The following IL2RB variants were observed in gnomAD, a reference collection of about 807,000 sequenced individuals.
IL2RB encodes interleukin 2 receptor subunit beta.
IL2RB carries 17 observed loss-of-function variants against 44.2 expected under a neutral mutation model. The ratio of observed to expected loss-of-function variants is 0.38; its 90% CI spans 0.26 to 0.58. IL2RB has a LOEUF of 0.58. IL2RB is among the 20% of genes least tolerant of loss of function. IL2RB has a pLI of 0.63. For synonymous variants in IL2RB, 286 were observed against 297.9 expected (o/e 0.96, Z 0.41); for missense variants, 624 against 685.5 (o/e 0.91, Z 1.00).
chr22:37,154,575 C>CTTTTTTTTTTTT (rs57147928), upstream of IL2RB, among the ~76,000 whole-genome samples: 9 of 141,606 alleles, frequency 6.4e-5, no homozygotes, highest in African/African-American at 1.6e-4. Flanking sequence ...CTTTTTTTTT[C>CTTTTTTTTTTTT]TTTTTTTTTT....
intron 8 of IL2RB, 29 bp from the exon 9 acceptor site, chr22:37,132,497 G>A: frequency 6.4e-7 from 1 of 1,567,002 alleles, no homozygotes; most frequent in Non-Finnish European, 8.8e-7. Flanking sequence ...GGAAGGAGGA[G>A]GGTGAGAAAG....
chr22:37,158,663 C>A (rs1400131570), intron 1 of IL2RB, among the ~76,000 whole-genome samples: 1 of 152,240 alleles, frequency 6.6e-6, no homozygotes, highest in Non-Finnish European at 1.5e-5. Flanking sequence ...GGGTGCACCA[C>A]TGCTCAGGTA....
In IL2RB at chr22:37,128,604, G is replaced by C; in HGVS notation, c.1148C>G (p.Thr383Ser). 6.2e-7 allele frequency: 1 copy of C among 1,614,120 alleles called. No homozygotes were observed. The highest frequency in any genetic ancestry group is 8.5e-7 in the Non-Finnish European group (1 of 1,179,984). The change falls in exon 10 of 10, where the codon ACT (threonine) becomes AGT (serine). Residue 383 changes from threonine (T) to serine (S), a missense_variant. This residue lies in a region of IL2RB where 291 missense variants were observed against 275.5 expected (regional missense o/e 1.06). Transcript: ENST00000216223. The surrounding 1 kb of genome is among the most constrained non-coding windows in gnomAD (Gnocchi z 4.5). Reference sequence around the variant, plus strand: ...GTCTTCCTCTGAGTAGGGGTCGTAAGTAAAGTACACCTGGCAGGCCTCTAT... The same window carrying C: ...GTCTTCCTCTGAGTAGGGGTCGTAACTAAAGTACACCTGGCAGGCCTCTAT... ...LEIEACQVYF[T>S]YDPYSEEDPD...
chr22:37,171,287 G>A (rs944583852), intron 1 of IL2RB, among the ~76,000 whole-genome samples: 6 of 152,200 alleles, frequency 3.9e-5, no homozygotes, highest in East Asian at 3.9e-4. Context: ...TTGGCCTCAC[G>A]CTCTTTCATT....
At position 37,128,977 on chromosome 22, in the gene IL2RB, G is replaced by A; in HGVS notation, c.904-129C>T. 8.8e-7 allele frequency: 1 copy of A among 1,140,252 alleles called. No individual in the cohort carries two copies. The highest frequency in any genetic ancestry group is 1.6e-5 in the South Asian group (1 of 60,838). The allele number at this position is 1,140,252 out of a possible 1,614,324, so 70.6% of individuals were successfully genotyped here. On this transcript the variant is annotated intron_variant, in intron 9 of 9. Transcript: ENST00000216223. The surrounding 1 kb of genome is among the most constrained non-coding windows in gnomAD (Gnocchi z 4.5). The stretch of plus-strand genomic sequence containing the variant: ...GTTGGCCCAGGGCTGCCCCATCCAG[G>A]AAGCTCTCCCTGATTATAGCCCCGC...
At chr22:37,156,960 GTAGCCGAGTCCCCAGC>G (rs1007056025) in intron 1 of IL2RB, among the ~76,000 whole-genome samples, 1 of 152,144 alleles carries the variant, frequency 6.6e-6, no homozygotes, top group Admixed American at 6.5e-5. Context: ...AAGTCAGCAG[GTAGCCGAGTCCCCAGC>G]TGGAAAAAAA....
chr22:37,170,296 GT>G (rs772898100), intron 1 of IL2RB, among the ~76,000 whole-genome samples: 3 of 152,226 alleles, frequency 2.0e-5, no homozygotes, highest in Non-Finnish European at 4.4e-5. Context: ...TGAGCTACCT[GT>G]TTTGCAGAAG....
intron 6 of IL2RB, 67 bp downstream of exon 6, chr22:37,137,520 G>T: frequency 6.5e-7 from 1 of 1,543,522 alleles, no homozygotes; most frequent in Non-Finnish European, 8.9e-7. Context: ...CAATGAAAAA[G>T]GGACAGGACA....
intron 4 of IL2RB, among the ~76,000 whole-genome samples, chr22:37,139,432 G>A (rs376506291): frequency 3.9e-5 from 6 of 152,274 alleles, no homozygotes; most frequent in South Asian, 2.1e-4. Flanking sequence ...ACTCAACTCC[G>A]CCACTGTAGT....
At chr22:37,159,642 C>T (rs551553790) in intron 1 of IL2RB, among the ~76,000 whole-genome samples, 32 of 152,246 alleles carry the variant, frequency 2.1e-4, no homozygotes, top group African/African-American at 7.2e-4. Flanking sequence ...AAGGTGAGGC[C>T]GAGGGGACAG....
intron 1 of IL2RB, among the ~76,000 whole-genome samples, chr22:37,154,962 C>G (rs1922629286): frequency 6.6e-6 from 1 of 152,132 alleles, no homozygotes; most frequent in Non-Finnish European, 1.5e-5. Flanking sequence ...GAAGGACAGG[C>G]CCTCACCCCT....
intron 1 of IL2RB, among the ~76,000 whole-genome samples, chr22:37,147,961 C>T (rs1311709640): frequency 6.6e-6 from 1 of 152,224 alleles, no homozygotes; most frequent in Non-Finnish European, 1.5e-5. Flanking sequence ...GCAAGGGGAC[C>T]ATCAATGTTT....
chr22:37,150,086 GCACACACACACACACACACACACA>G (rs746303210), upstream of IL2RB: 2 of 138,294 alleles, frequency 1.4e-5, no homozygotes, highest in Non-Finnish European at 3.1e-5. Context: ...GCTGGGGGCG[GCACACACACACACACACACACACA>G]CACACACACA....
intron 6 of IL2RB, among the ~76,000 whole-genome samples, chr22:37,136,647 CT>C (rs957030340): frequency 1.3e-5 from 2 of 151,900 alleles, no homozygotes; most frequent in South Asian, 2.1e-4. Context: ...AACCATCCCC[CT>C]CTCTCCCCGC....
At chr22:37,131,372 C>T (rs1021690764) in intron 9 of IL2RB, among the ~76,000 whole-genome samples, 5 of 152,082 alleles carry the variant, frequency 3.3e-5, no homozygotes, top group Non-Finnish European at 7.4e-5. Context: ...ATCCCCACCC[C>T]CCAATCTTGG....
intron 1 of IL2RB, among the ~76,000 whole-genome samples, chr22:37,172,033 A>T (rs781400531): frequency 6.8e-6 from 1 of 147,210 alleles, no homozygotes; most frequent in Non-Finnish European, 1.5e-5. Context: ...TGTCTGAGCT[A>T]TTTATGGATC....
chr22:37,162,620 C>T (rs1269624482), intron 1 of IL2RB, among the ~76,000 whole-genome samples: 1 of 152,136 alleles, frequency 6.6e-6, no homozygotes, highest in Non-Finnish European at 1.5e-5. Flanking sequence ...GAGTTAGAGA[C>T]AGTCCCACTG....
chr22:37,143,632 G>A lies in IL2RB; in HGVS notation c.92C>T (p.Thr31Ile), dbSNP rs1427722386. The A allele has an allele frequency of 6.2e-7, 1 of 1,611,742 alleles. No individual in the cohort carries two copies. Among genetic ancestry groups the A allele is most frequent in the African/African-American group, 1.3e-5 (1 of 74,894 alleles). Residue 31 changes from threonine (T) to isoleucine (I), a missense_variant, in exon 3 of 10, where the codon ACT (threonine) becomes ATT (isoleucine). This residue lies in a region of IL2RB where 78 missense variants were observed against 70.0 expected (regional missense o/e 1.11). Coordinates refer to ENST00000216223, the MANE Select transcript of IL2RB (RefSeq NM_000878.5). ...GTTGTAGAAGCATGTGAACTGGGAAGTGCCTGCCGGGCAAGATGAGGTGTG... is the reference window on the plus strand; with the variant it reads ...GTTGTAGAAGCATGTGAACTGGGAAATGCCTGCCGGGCAAGATGAGGTGTG... ...TSWASAAVNG[T>I]SQFTCFYNSR...
At chr22:37,167,981 C>T (rs750103952) in intron 1 of IL2RB, among the ~76,000 whole-genome samples, 5 of 152,234 alleles carry the variant, frequency 3.3e-5, no homozygotes, top group Non-Finnish European at 5.9e-5. Flanking sequence ...ATTTACTGAG[C>T]ACCTGCTGGC....
Sources: gnomAD v4.1 joint callset for allele counts (sites outside exome capture counted in the v4.1 genomes callset) on GRCh38, gnomAD v4.1.1 for gene constraint, gnomAD v4.1.1 regional missense constraint, Gnocchi (gnomAD v3.1) non-coding constraint, MANE v1.5 for transcripts, NCBI Gene and HGNC (gene_info 2026-07-23, HGNC 2026-07-21) for gene names.